The following CSMD1 variants were observed in gnomAD, a reference collection of about 807,000 sequenced individuals.
CSMD1 encodes the protein CUB and Sushi multiple domains 1, also known as CUB and sushi domain-containing protein 1.
A neutral mutation model predicts 417.5 loss-of-function variants in CSMD1; 213 were observed. The observed-to-expected ratio is 0.51, with a 90% CI of 0.46 to 0.57. CSMD1 has a LOEUF of 0.57. CSMD1 is among the 20% of genes least tolerant of loss of function. The pLI is 0.00. For missense variants in CSMD1, 6,923 were observed against 4,529.7 expected, an observed-to-expected ratio of 1.53 and a Z score of -15.17; for synonymous variants, 2,862 against 1,736.8, an observed-to-expected ratio of 1.65 and a Z score of -16.11.
chr8:4,023,974 A>G (rs1796931438), intron 4 of CSMD1, among the ~76,000 whole-genome samples: 1 of 151,830 alleles, frequency 6.6e-6, no homozygotes, highest in African/African-American at 2.4e-5. Context: ...CTTCATTATT[A>G]TTATTTAATT....
At chr8:4,355,474 T>A (rs191942272) in intron 3 of CSMD1, among the ~76,000 whole-genome samples, 149 of 152,246 alleles carry the variant, frequency 9.8e-4, no homozygotes, top group Non-Finnish European at 1.9e-3. Flanking sequence ...TCAAACTCAT[T>A]TTTATTAAAA....
chr8:3,270,004 C>T (rs1361692934), intron 26 of CSMD1, among the ~76,000 whole-genome samples: 1 of 150,196 alleles, frequency 6.7e-6, no homozygotes, highest in African/African-American at 2.4e-5. Context: ...TGCACGTAGA[C>T]ATGAAGCATG....
chr8:4,053,456 A>G (rs1798537948), intron 3 of CSMD1, among the ~76,000 whole-genome samples: 3 of 150,552 alleles, frequency 2.0e-5, no homozygotes. Flanking sequence ...GGGGAACCCT[A>G]CTGAAGTTCA....
chr8:3,281,233 A>G (rs1273172052), intron 26 of CSMD1, among the ~76,000 whole-genome samples: 2 of 152,168 alleles, frequency 1.3e-5, no homozygotes, highest in East Asian at 3.9e-4. Context: ...ACCTGAGGTA[A>G]GGAGTTTGAC....
intron 1 of CSMD1, chr8:4,788,499 T>G: frequency 7.4e-7 from 1 of 1,359,078 alleles, no homozygotes; most frequent in Non-Finnish European, 1.1e-6. Context: ...GACAACCATT[T>G]AGTATGGAGC....
At chr8:3,728,763 A>G (rs546696381) in intron 6 of CSMD1, among the ~76,000 whole-genome samples, 1 of 152,306 alleles carries the variant, frequency 6.6e-6, no homozygotes, top group South Asian at 2.1e-4. Context: ...TGAACTATTA[A>G]TACATCTCAA....
intron 5 of CSMD1, among the ~76,000 whole-genome samples, chr8:3,784,771 C>A (rs6982439): frequency 0.095 from 14,498 of 152,140 alleles, 901 homozygotes; most frequent in African/African-American, 0.18. Flanking sequence ...ATACAATTAG[C>A]AATTCCACTC....
rs1368782933 is a variant in CSMD1 at position 3,181,995 on chromosome 8, G to A, written c.5621-781C>T. The stretch of plus-strand genomic sequence containing the variant: ...TTAAGTCACTTTTTTCCTGATGTAT[G>A]TTCAATACTCTAGTAAAAACATTCT... On this transcript the variant is annotated intron_variant, in intron 36 of 69. Coordinates refer to ENST00000635120, the MANE Select transcript of CSMD1 (RefSeq NM_033225.6). Among the ~76,000 whole-genome samples, 3 of 152,102 alleles carry A rather than the reference G, an allele frequency of 2.0e-5. No individual in the cohort carries two copies. The East Asian group carries it at 5.8e-4, about 29-fold the overall frequency.
At chr8:4,270,661 C>T (rs146203183) in intron 3 of CSMD1, among the ~76,000 whole-genome samples, 15 of 152,288 alleles carry the variant, frequency 9.8e-5, no homozygotes, top group Admixed American at 2.0e-4. Context: ...CGCGTGTCTG[C>T]CAATGTAGCT....
chr8:3,349,663 T>C (rs1229372998), intron 21 of CSMD1, among the ~76,000 whole-genome samples: 1 of 150,710 alleles, frequency 6.6e-6, no homozygotes, highest in African/African-American at 2.4e-5. Context: ...ATAATTATAA[T>C]TCTGTAAAAA....
At chr8:3,446,025 C>T (rs1323307331) in intron 12 of CSMD1, among the ~76,000 whole-genome samples, 1 of 152,034 alleles carries the variant, frequency 6.6e-6, no homozygotes, top group African/African-American at 2.4e-5. Flanking sequence ...CTGTCCCGGG[C>T]CCGGATTGAT....
At chr8:4,825,304 G>A (rs1182496645) in intron 1 of CSMD1, among the ~76,000 whole-genome samples, 3 of 152,004 alleles carry the variant, frequency 2.0e-5, no homozygotes, top group African/African-American at 4.8e-5. Context: ...ACAACTATTA[G>A]CTGTCAGTGT....
intron 12 of CSMD1, among the ~76,000 whole-genome samples, chr8:3,467,947 A>T (rs902183624): frequency 6.6e-6 from 1 of 152,244 alleles, no homozygotes; most frequent in Non-Finnish European, 1.5e-5. Flanking sequence ...CAGTTCCAAC[A>T]GCTCCAGATA....
intron 1 of CSMD1, among the ~76,000 whole-genome samples, chr8:4,825,781 A>C (rs1307851711): frequency 7.4e-6 from 1 of 135,890 alleles, no homozygotes; most frequent in Non-Finnish European, 1.7e-5. Flanking sequence ...CTACAAATCA[A>C]ATGCAAAAAA....
At chr8:3,730,372 T>TTTTTC (rs1802774358) in intron 6 of CSMD1, among the ~76,000 whole-genome samples, 2 of 106,872 alleles carry the variant, frequency 1.9e-5, no homozygotes, top group East Asian at 4.6e-4. Context: ...AAGGAGCGAT[T>TTTTTC]TTTTTTTTTT....
intron 1 of CSMD1, among the ~76,000 whole-genome samples, chr8:4,680,425 C>G (rs866425100): frequency 2.6e-5 from 4 of 152,266 alleles, no homozygotes; most frequent in South Asian, 2.1e-4. Flanking sequence ...CCCTTTGAAA[C>G]TACATTGAGT....
intron 6 of CSMD1, among the ~76,000 whole-genome samples, chr8:3,715,936 T>G (rs1801805054): frequency 6.6e-6 from 1 of 152,210 alleles, no homozygotes; most frequent in Non-Finnish European, 1.5e-5. Flanking sequence ...CTACTCCCTG[T>G]GGACATGATG....
Position 3,230,162 on chromosome 8 carries a change from T to C in CSMD1, c.4223A>G (p.Glu1408Gly). ...CTGGAATGTGACGGTGTCTCCAGCCTCTCTGCTGTCTCCATAGCGGGTGCC... is the reference window on the plus strand; with the variant it reads ...CTGGAATGTGACGGTGTCTCCAGCCCCTCTGCTGTCTCCATAGCGGGTGCC... ...QNGTRYGDSREAGDTVTFQCD... is the reference protein window; with the variant it reads ...QNGTRYGDSRGAGDTVTFQCD... The change falls in exon 27 of 70, where the codon GAG (glutamate) becomes GGG (glycine). Residue 1408 changes from glutamate to glycine, a missense_variant. Glu to Gly is a moderately conservative substitution (Grantham distance 98). Transcript: ENST00000635120. 1 of 1,613,580 alleles carries C rather than the reference T, an allele frequency of 6.2e-7. No homozygotes were observed. The highest frequency in any genetic ancestry group is 8.5e-7 in the Non-Finnish European group (1 of 1,179,690).
intron 1 of CSMD1, among the ~76,000 whole-genome samples, chr8:4,909,386 G>A (rs1383515393): frequency 2.0e-5 from 3 of 152,058 alleles, no homozygotes; most frequent in Non-Finnish European, 2.9e-5. Context: ...TTTCCTTGAA[G>A]CCATGACACC....
Sources: gnomAD v4.1 joint callset for allele counts (sites outside exome capture counted in the v4.1 genomes callset) on GRCh38, gnomAD v4.1.1 for gene constraint, MANE v1.5 for transcripts, NCBI Gene and HGNC (gene_info 2026-07-23, HGNC 2026-07-21) for gene names.